Variants in PTPRT observed in about 807,000 individuals in gnomAD.
The protein encoded by PTPRT is receptor-type tyrosine-protein phosphatase T.
Under a neutral mutation model 176.8 loss-of-function variants are expected in PTPRT, and 56 were observed. That is an observed-to-expected ratio of 0.32 (90% CI 0.26 to 0.40). The LOEUF (loss-of-function observed/expected upper bound fraction) is 0.40, where lower values mean the gene tolerates loss of function less well. Ranked by LOEUF, PTPRT falls within the 10% of genes least tolerant of loss-of-function variation. The pLI, the probability that PTPRT is intolerant of heterozygous loss-of-function variation, is 1.00. For missense variants in PTPRT, 1,540 were observed against 1,908.2 expected (o/e 0.81, Z 3.60); for synonymous variants, 783 against 739.0 (o/e 1.06, Z -0.96).
downstream of PTPRT, among the ~76,000 whole-genome samples, chr20:42,072,228 G>A (rs1982376731): frequency 6.6e-6 from 1 of 152,184 alleles, no homozygotes; most frequent in Non-Finnish European, 1.5e-5. Context: ...CAGCTCATGT[G>A]CCCCAGCCAA....
chr20:42,810,426 GAATTA>G (rs1262345037), intron 2 of PTPRT, among the ~76,000 whole-genome samples: 1 of 152,198 alleles, frequency 6.6e-6, no homozygotes, highest in Non-Finnish European at 1.5e-5. Flanking sequence ...AGGGAAGCCT[GAATTA>G]AATATCTATT....
intron 16 of PTPRT, among the ~76,000 whole-genome samples, chr20:42,178,463 G>A (rs993795394): frequency 6.6e-6 from 1 of 152,180 alleles, no homozygotes; most frequent in Non-Finnish European, 1.5e-5. Context: ...AAGAACCAGG[G>A]TTAAATCCTG....
chr20:42,399,049 G>C (rs764512929), intron 9 of PTPRT, among the ~76,000 whole-genome samples: 10 of 152,210 alleles, frequency 6.6e-5, no homozygotes, highest in Non-Finnish European at 1.2e-4. Flanking sequence ...ACACTGGGAG[G>C]GCAAGAGCAA....
chr20:43,186,536 G>A (rs1323556364), intron 1 of PTPRT, among the ~76,000 whole-genome samples: 1 of 152,170 alleles, frequency 6.6e-6, no homozygotes, highest in Non-Finnish European at 1.5e-5. Flanking sequence ...GCTGTGAAAG[G>A]TGACAGCTAT....
chr20:42,610,386 T>G (rs900846225), intron 7 of PTPRT, among the ~76,000 whole-genome samples: 3 of 151,164 alleles, frequency 2.0e-5, no homozygotes, highest in Non-Finnish European at 2.9e-5. Flanking sequence ...TTTGTTTTTT[T>G]TTTTTGTTTT....
chr20:42,470,106 C>A (rs1268374414), intron 8 of PTPRT, among the ~76,000 whole-genome samples: 1 of 152,202 alleles, frequency 6.6e-6, no homozygotes, highest in Non-Finnish European at 1.5e-5. Context: ...TAAGGCTAAT[C>A]TGAGTCAAGC....
intron 1 of PTPRT, among the ~76,000 whole-genome samples, chr20:43,153,040 A>C (rs938333566): frequency 3.3e-5 from 5 of 152,154 alleles, no homozygotes; most frequent in African/African-American, 1.2e-4. Context: ...GGTAACACTC[A>C]ATTGTTTAAA....
chr20:42,648,402 G>T (rs1347323802), intron 7 of PTPRT, among the ~76,000 whole-genome samples: 1 of 152,110 alleles, frequency 6.6e-6, no homozygotes, highest in African/African-American at 2.4e-5. Context: ...GAACACAGTT[G>T]GCCTCAGCAG....
At position 42,505,547 on chromosome 20, in the gene PTPRT, C is replaced by A. The variant is rs145293415; in HGVS notation, c.1154-32985G>T. 3.4e-3 allele frequency among the ~76,000 whole-genome samples: 518 copies of A among 152,214 alleles called. 3 individuals carry two copies. The highest frequency in any genetic ancestry group is 0.012 in the African/African-American group (495 of 41,540). ...GAATTCCTTATTTCAGGTGATCCAC[C>A]TGCCTTGGCCTCCCAAAGTGCTGGG... On this transcript the variant is annotated intron_variant, in intron 7 of 30. Transcript: ENST00000373187.
intron 1 of PTPRT, among the ~76,000 whole-genome samples, chr20:42,952,582 C>T (rs1981322129): frequency 6.6e-6 from 1 of 152,220 alleles, no homozygotes; most frequent in African/African-American, 2.4e-5. Context: ...TTCTTCTAGG[C>T]TTATGATAAC....
At chr20:42,466,840 G>T (rs1047109538) in intron 8 of PTPRT, among the ~76,000 whole-genome samples, 1 of 152,084 alleles carries the variant, frequency 6.6e-6, no homozygotes, top group African/African-American at 2.4e-5. Context: ...CCTAATAAGT[G>T]GTTGGCCTCA....
At chr20:43,058,030 C>T (rs1051441482) in intron 1 of PTPRT, among the ~76,000 whole-genome samples, 1 of 152,134 alleles carries the variant, frequency 6.6e-6, no homozygotes, top group Non-Finnish European at 1.5e-5. Context: ...GTATCACTCA[C>T]GCTTTACAGA....
At chr20:43,162,294 G>A (rs117688292) in intron 1 of PTPRT, among the ~76,000 whole-genome samples, 1,905 of 152,278 alleles carry the variant, frequency 0.013, 29 homozygotes, top group Non-Finnish European at 0.017. Context: ...TGCTTACTAC[G>A]TGTTTTATAC....
At chr20:42,873,626 C>A (rs186542166) in intron 2 of PTPRT, among the ~76,000 whole-genome samples, 6 of 152,284 alleles carry the variant, frequency 3.9e-5, no homozygotes, top group African/African-American at 1.4e-4. Context: ...AAAATATAAT[C>A]ATTTCAACAT....
intron 9 of PTPRT, among the ~76,000 whole-genome samples, chr20:42,373,643 T>C (rs1037056765): frequency 4.6e-5 from 7 of 152,222 alleles, no homozygotes; most frequent in Admixed American, 4.6e-4. Flanking sequence ...GACATACATA[T>C]AGAGGCGTCT....
chr20:42,164,187 C>G (rs183535014), intron 16 of PTPRT, among the ~76,000 whole-genome samples: 1 of 152,226 alleles, frequency 6.6e-6, no homozygotes, highest in Non-Finnish European at 1.5e-5. Flanking sequence ...CAGAGACCCA[C>G]AGTCTCCCAG....
In PTPRT at chr20:42,185,396, A is replaced by G. The variant is rs550151224; in HGVS notation, c.2491+13844T>C. Among the ~76,000 whole-genome samples the G allele has an allele frequency of 6.2e-3, 947 of 152,192 alleles. 13 individuals carry two copies. The highest frequency in any genetic ancestry group is 0.029 in the South Asian group (138 of 4,816). Reference sequence around the variant, plus strand: ...CCAGCTGATTTCTCTTCCTATTCCTATGATTGAAGGACTAATTGTATCAGA... The same window carrying G: ...CCAGCTGATTTCTCTTCCTATTCCTGTGATTGAAGGACTAATTGTATCAGA... On this transcript the variant is annotated intron_variant, in intron 16 of 30. Transcript: ENST00000373187.
chr20:42,056,242 C>T, the PTPRT span, among the ~76,000 whole-genome samples: 1 of 152,188 alleles, frequency 6.6e-6, no homozygotes, highest in African/African-American at 2.4e-5. Flanking sequence ...ACTCAGAGAA[C>T]AAGCCTATAA....
intron 1 of PTPRT, among the ~76,000 whole-genome samples, chr20:42,901,932 C>T (rs193036788): frequency 5.3e-4 from 80 of 152,272 alleles, no homozygotes; most frequent in African/African-American, 1.8e-3. Flanking sequence ...CGGCTGCTTC[C>T]CAGCTACAGC....
Sources: allele counts gnomAD v4.1 joint callset (sites outside exome capture counted in the v4.1 genomes callset), GRCh38; gene constraint gnomAD v4.1.1; transcripts MANE v1.5; gene names NCBI Gene and HGNC (gene_info 2026-07-23, HGNC 2026-07-21).